Variants in KCND2 observed in about 807,000 individuals in gnomAD.
KCND2 encodes the protein A-type voltage-gated potassium channel KCND2.
Under a neutral mutation model 54.4 loss-of-function variants are expected in KCND2, and 16 were observed. That is an observed-to-expected ratio of 0.29 (90% confidence interval 0.20 to 0.45). KCND2 has a LOEUF of 0.45. Ranked by LOEUF, KCND2 falls within the 20% of genes least tolerant of loss-of-function variation. KCND2 has a pLI of 1.00. For missense variants in KCND2, 486 were observed against 824.2 expected (o/e 0.59, Z 5.02); for synonymous variants, 317 against 310.7 (o/e 1.02, Z -0.21).
At chr7:120,504,669 T>C (rs1336339007) in intron 1 of KCND2, among the ~76,000 whole-genome samples, 1 of 151,792 alleles carries the variant, frequency 6.6e-6, no homozygotes, top group East Asian at 1.9e-4. Flanking sequence ...ATTAGAAAAA[T>C]ATTGGTATAC....
intron 1 of KCND2, among the ~76,000 whole-genome samples, chr7:120,524,046 T>C (rs1791739315): frequency 1.3e-5 from 2 of 151,656 alleles, no homozygotes; most frequent in African/African-American, 4.8e-5. Flanking sequence ...GACCGGACTG[T>C]GCAACATGGT....
chr7:120,356,629 A>G (rs1329569314), intron 1 of KCND2, among the ~76,000 whole-genome samples: 1 of 152,156 alleles, frequency 6.6e-6, no homozygotes, highest in Non-Finnish European at 1.5e-5. Flanking sequence ...AAGCCATAAT[A>G]TTAGATAAGT....
chr7:120,277,903 T>A (rs1328557014), intron 1 of KCND2, among the ~76,000 whole-genome samples: 3 of 151,930 alleles, frequency 2.0e-5, no homozygotes, highest in Non-Finnish European at 4.4e-5. Flanking sequence ...GGTAAGTAAG[T>A]GGATTAGAAG....
At chr7:120,736,587 C>T (rs1285039109) in intron 2 of KCND2, among the ~76,000 whole-genome samples, 1 of 151,890 alleles carries the variant, frequency 6.6e-6, no homozygotes, top group African/African-American at 2.4e-5. Flanking sequence ...TACTCACAGG[C>T]TAACCTGTGA....
At position 120,749,265 on chromosome 7, in the gene KCND2, A is replaced by G. The variant is rs1793043952; in HGVS notation, c.*1407A>G. On this transcript the variant is annotated 3_prime_UTR_variant, in exon 6 of 6. Coordinates refer to ENST00000331113, the MANE Select transcript of KCND2 (RefSeq NM_012281.3). ...GGAAGGCAGCACAAATTTATCTCAG[A>G]AAGGTTCCTGTGTATTGCAAGGTAC... The G allele has an allele frequency of 6.6e-6, 1 of 152,004 alleles. No individual in the cohort carries two copies. Among genetic ancestry groups the G allele is most frequent in the Non-Finnish European group, 1.5e-5 (1 of 67,868 alleles). The allele number at this position is 152,004 out of a possible 1,614,324, so 9.4% of individuals were successfully genotyped here.
At chr7:120,306,096 C>T (rs780937807) in intron 1 of KCND2, among the ~76,000 whole-genome samples, 1 of 152,074 alleles carries the variant, frequency 6.6e-6, no homozygotes, top group Non-Finnish European at 1.5e-5. Context: ...CTGTTTCCTG[C>T]ATTCAAGACT....
At chr7:120,334,798 A>T (rs1275081512) in intron 1 of KCND2, among the ~76,000 whole-genome samples, 6 of 152,196 alleles carry the variant, frequency 3.9e-5, no homozygotes, top group African/African-American at 1.4e-4. Context: ...GGTAAAATAT[A>T]ATGAGTCTTC....
intron 1 of KCND2, among the ~76,000 whole-genome samples, chr7:120,488,611 A>G (rs1802727753): frequency 6.6e-6 from 1 of 152,166 alleles, no homozygotes; most frequent in Non-Finnish European, 1.5e-5. Context: ...AAACATTAAC[A>G]CTATACAAAA....
chr7:120,643,702 C>A (rs181753543), intron 1 of KCND2, among the ~76,000 whole-genome samples: 1 of 151,640 alleles, frequency 6.6e-6, no homozygotes, highest in East Asian at 1.9e-4. Flanking sequence ...TCTTCCTAGT[C>A]TATATTACAT....
intron 1 of KCND2, among the ~76,000 whole-genome samples, chr7:120,368,298 A>G (rs1343977754): frequency 2.6e-5 from 4 of 152,038 alleles, no homozygotes; most frequent in African/African-American, 9.7e-5. Context: ...GATAAGATGG[A>G]GAGTTTTTAT....
At chr7:120,497,927 C>T (rs1389765845) in intron 1 of KCND2, among the ~76,000 whole-genome samples, 1 of 152,058 alleles carries the variant, frequency 6.6e-6, no homozygotes, top group Non-Finnish European at 1.5e-5. Context: ...ACCTAGCAGC[C>T]TCTGCAAAAC....
chr7:120,623,226 T>C (rs1793123718), intron 1 of KCND2, among the ~76,000 whole-genome samples: 1 of 152,184 alleles, frequency 6.6e-6, no homozygotes, highest in African/African-American at 2.4e-5. Flanking sequence ...ATGCCTAACA[T>C]TGGACCAAAT....
intron 1 of KCND2, among the ~76,000 whole-genome samples, chr7:120,468,835 C>T (rs777612197): frequency 6.6e-6 from 1 of 152,056 alleles, no homozygotes; most frequent in Non-Finnish European, 1.5e-5. Context: ...TGTCATAATG[C>T]GATTGCACAG....
At chr7:120,631,549 A>T (rs1793234178) in intron 1 of KCND2, among the ~76,000 whole-genome samples, 1 of 152,084 alleles carries the variant, frequency 6.6e-6, no homozygotes, top group South Asian at 2.1e-4. Flanking sequence ...CTCTGGCAAG[A>T]TATAAAATTG....
At chr7:120,708,981 A>G (rs1240131408) in intron 1 of KCND2, among the ~76,000 whole-genome samples, 1 of 152,100 alleles carries the variant, frequency 6.6e-6, no homozygotes, top group Non-Finnish European at 1.5e-5. Flanking sequence ...AAGTTAATTA[A>G]GGCCATAAGT....
At chr7:120,671,453 C>T (rs1009380065) in intron 1 of KCND2, among the ~76,000 whole-genome samples, 4 of 152,016 alleles carry the variant, frequency 2.6e-5, no homozygotes, top group Middle Eastern at 3.2e-3. Flanking sequence ...GTCTACGGCC[C>T]GGGAGGTGGG....
intron 1 of KCND2, among the ~76,000 whole-genome samples, chr7:120,439,802 G>A (rs1001592657): frequency 2.0e-5 from 3 of 151,972 alleles, no homozygotes; most frequent in Non-Finnish European, 4.4e-5. Context: ...ATACTGTCTT[G>A]CAGGCTCATC....
chr7:120,519,200 G>A (rs1208190152), intron 1 of KCND2, among the ~76,000 whole-genome samples: 2 of 151,988 alleles, frequency 1.3e-5, no homozygotes, highest in African/African-American at 4.8e-5. Context: ...AACTTAGCCA[G>A]GCCTGGTGGT....
intron 1 of KCND2, among the ~76,000 whole-genome samples, chr7:120,362,691 T>A (rs1002201775): frequency 3.9e-5 from 6 of 152,038 alleles, no homozygotes; most frequent in African/African-American, 4.8e-5. Context: ...CTTTCTCAAG[T>A]ATAAAATAAG....
Sources: gnomAD v4.1 joint callset for allele counts (sites outside exome capture counted in the v4.1 genomes callset) on GRCh38, gnomAD v4.1.1 for gene constraint, MANE v1.5 for transcripts, NCBI Gene and HGNC (gene_info 2026-07-23, HGNC 2026-07-21) for gene names.